AGK: variants seen among roughly 807,000 people sequenced by gnomAD.
AGK encodes the protein acylglycerol kinase, also known as acylglycerol kinase, mitochondrial.
A neutral mutation model predicts 66.4 loss-of-function variants in AGK; 52 were observed. That is an observed-to-expected ratio of 0.78 (90% CI 0.63 to 0.99). The LOEUF is 0.99. AGK is among the 50% of genes least tolerant of loss of function. The pLI is 0.00. For synonymous variants in AGK, 182 were observed against 181.1 expected, an observed-to-expected ratio of 1.00 and a Z score of -0.04; for missense variants, 451 against 506.6, an observed-to-expected ratio of 0.89 and a Z score of 1.05.
At chr7:141,601,183 A>G (rs1027753392) in intron 4 of AGK, 22 bp from the exon 5 acceptor site, 3 of 1,574,984 alleles carry the variant, frequency 1.9e-6, no homozygotes, top group Non-Finnish European at 1.7e-6. Flanking sequence ...TAAAATGTTT[A>G]TATTTTTTCC....
At chr7:141,562,014 C>T in intron 2 of AGK, 1 of 455,942 alleles carries the variant, frequency 2.2e-6, no homozygotes. Context: ...TGATGTAATC[C>T]ATATTCAGGT....
chr7:141,651,921 T>G (rs186775184), intron 15 of AGK, among the ~76,000 whole-genome samples: 2 of 152,230 alleles, frequency 1.3e-5, no homozygotes, highest in Non-Finnish European at 1.5e-5. Context: ...GGTTACTACA[T>G]TAAGACACAT....
chr7:141,575,749 G>A (rs73169600), intron 2 of AGK, among the ~76,000 whole-genome samples: 1,583 of 144,828 alleles, frequency 0.011, 19 homozygotes, highest in Non-Finnish European at 0.019. Context: ...GTAAAAACAG[G>A]GATTTTAGAC....
At chr7:141,648,230 G>A (rs1477791815) in intron 13 of AGK, among the ~76,000 whole-genome samples, 1 of 152,100 alleles carries the variant, frequency 6.6e-6, no homozygotes, top group African/African-American at 2.4e-5. Context: ...TATAGTTGTG[G>A]CATCCTTATC....
chr7:141,620,787 T>A (rs989200850), intron 8 of AGK, among the ~76,000 whole-genome samples: 1 of 152,226 alleles, frequency 6.6e-6, no homozygotes, highest in Admixed American at 6.5e-5. Context: ...CTTATACTTC[T>A]GGCACTGGTG....
Position 141,621,261 on chromosome 7 carries a change from C to T in AGK, c.519-471C>T, listed in dbSNP as rs544787214. On this transcript the variant is annotated intron_variant, in intron 8 of 15. Transcript: ENST00000649286. ...TAAAATGAAGCGCATCCTAGTAGTCCTGGAAAATAAGAGAAATATGTCTCA... is the reference window on the plus strand; with the variant it reads ...TAAAATGAAGCGCATCCTAGTAGTCTTGGAAAATAAGAGAAATATGTCTCA... 2.0e-5 allele frequency among the ~76,000 whole-genome samples: 3 copies of T among 152,216 alleles called. No homozygotes were observed. In the East Asian group the frequency reaches 5.8e-4, roughly 29 times the overall value.
chr7:141,560,897 T>G (rs1177192854), intron 2 of AGK, among the ~76,000 whole-genome samples: 1 of 150,832 alleles, frequency 6.6e-6, no homozygotes, highest in Non-Finnish European at 1.5e-5. Context: ...CCCGGCTTCA[T>G]GCCATTCTGC....
intron 2 of AGK, among the ~76,000 whole-genome samples, chr7:141,587,657 A>G (rs1156501260): frequency 6.6e-6 from 1 of 152,144 alleles, no homozygotes; most frequent in African/African-American, 2.4e-5. Context: ...TTTTTCCCCT[A>G]GATCTCAGCT....
chr7:141,564,779 G>A (rs1795433122), intron 2 of AGK, among the ~76,000 whole-genome samples: 2 of 151,848 alleles, frequency 1.3e-5, no homozygotes, highest in Non-Finnish European at 2.9e-5. Flanking sequence ...GCTCAGGCTG[G>A]AGTGCAACGG....
chr7:141,554,270 C>T (rs1468965637), intron 1 of AGK, among the ~76,000 whole-genome samples: 2 of 150,932 alleles, frequency 1.3e-5, no homozygotes, highest in African/African-American at 2.4e-5. Flanking sequence ...TTGTTTGGGC[C>T]CAGAAGTTAT....
chr7:141,591,413 A>AGATTC (rs1796115681), intron 2 of AGK, among the ~76,000 whole-genome samples: 2 of 152,064 alleles, frequency 1.3e-5, no homozygotes, highest in Admixed American at 1.3e-4. Flanking sequence ...TTCAGATTTC[A>AGATTC]GATTCACAGC....
intron 13 of AGK, among the ~76,000 whole-genome samples, chr7:141,648,929 C>G (rs1314002181): frequency 1.3e-5 from 2 of 151,954 alleles, no homozygotes; most frequent in Non-Finnish European, 2.9e-5. Context: ...AAAGCTTGGC[C>G]TGCAAGGGAA....
intron 2 of AGK, among the ~76,000 whole-genome samples, chr7:141,591,494 G>A (rs1010280419): frequency 1.3e-5 from 2 of 152,102 alleles, no homozygotes; most frequent in Non-Finnish European, 2.9e-5. Context: ...GGGTTGTTTT[G>A]CAGCCTGGCT....
intron 1 of AGK, among the ~76,000 whole-genome samples, chr7:141,552,382 C>T (rs1220233099): frequency 6.6e-6 from 1 of 152,168 alleles, no homozygotes; most frequent in Non-Finnish European, 1.5e-5. Context: ...GGTCTTCAAT[C>T]CTTTATCTCT....
At chr7:141,599,798 T>C (rs1410424973) in intron 4 of AGK, among the ~76,000 whole-genome samples, 2 of 152,214 alleles carry the variant, frequency 1.3e-5, no homozygotes, top group African/African-American at 2.4e-5. Context: ...TACCCTTTTA[T>C]GTTCATTCTA....
At chr7:141,559,786 G>A (rs552731098) in intron 2 of AGK, among the ~76,000 whole-genome samples, 21 of 152,154 alleles carry the variant, frequency 1.4e-4, no homozygotes, top group African/African-American at 4.1e-4. Context: ...TGTTTTTAGC[G>A]TATAAGTCTT....
chr7:141,570,450 G>T (rs1489798344), intron 2 of AGK, among the ~76,000 whole-genome samples: 3 of 151,854 alleles, frequency 2.0e-5, no homozygotes, highest in Non-Finnish European at 4.4e-5. Flanking sequence ...TCTGTTCGAG[G>T]GGTACAAAGT....
intron 2 of AGK, among the ~76,000 whole-genome samples, chr7:141,568,195 C>T (rs1795509092): frequency 6.6e-6 from 1 of 152,188 alleles, no homozygotes; most frequent in Non-Finnish European, 1.5e-5. Context: ...TTTCGCCTTT[C>T]ATATGTAACA....
rs576152045 is a variant in AGK, at chr7:141,588,284, C to G, written c.102-4862C>G. 4.6e-5 allele frequency among the ~76,000 whole-genome samples: 7 copies of G among 152,050 alleles called. No homozygotes were observed. In the South Asian group the frequency reaches 1.5e-3, roughly 32 times the overall value. On this transcript the variant is annotated intron_variant, in intron 2 of 15. Coordinates refer to ENST00000649286, the MANE Select transcript of AGK (RefSeq NM_018238.4). Reference sequence around the variant, plus strand: ...CCCAAGAGAGGGTTCTTAGATCTTGCACAAGAAAGAATTCAGGGCGACTCC... The same window carrying G: ...CCCAAGAGAGGGTTCTTAGATCTTGGACAAGAAAGAATTCAGGGCGACTCC...
Sources: allele counts gnomAD v4.1 joint callset (sites outside exome capture counted in the v4.1 genomes callset), GRCh38; gene constraint gnomAD v4.1.1; transcripts MANE v1.5; gene names NCBI Gene and HGNC (gene_info 2026-07-23, HGNC 2026-07-21).